The following KCNMB3 variants were observed in gnomAD, a reference collection of about 807,000 sequenced individuals.
KCNMB3 encodes calcium-activated potassium channel subunit beta-3.
A neutral mutation model predicts 11.9 loss-of-function variants in KCNMB3; 18 were observed. The observed-to-expected ratio is 1.51, with a 90% CI of 1.04 to 2.23. KCNMB3 has a LOEUF of 2.23. KCNMB3 is among the 30% of genes most tolerant of loss of function. The pLI is 0.00. For synonymous variants in KCNMB3, 78 were observed against 119.2 expected, an observed-to-expected ratio of 0.65 and a Z score of 2.25; for missense variants, 247 against 329.4, an observed-to-expected ratio of 0.75 and a Z score of 1.94.
intron 1 of KCNMB3, among the ~76,000 whole-genome samples, chr3:179,257,400 T>C (rs1377759142): frequency 6.6e-6 from 1 of 152,236 alleles, no homozygotes; most frequent in Non-Finnish European, 1.5e-5. Flanking sequence ...AATGTCAACA[T>C]TCATAAGGTA....
exon 1 of KCNMB3, chr3:179,266,851 GC>G: frequency 6.9e-7 from 1 of 1,439,326 alleles, no homozygotes; most frequent in Non-Finnish European, 9.1e-7. Context: ...GCCATTAGAA[GC>G]CCCCCGCCTT....
intron 1 of KCNMB3, 113 bp downstream of exon 1, chr3:179,250,630 A>C: frequency 6.5e-6 from 7 of 1,084,612 alleles, no homozygotes; most frequent in Non-Finnish European, 9.5e-6. Context: ...CTTTTTCTAG[A>C]CCATGGCAGA....
downstream of KCNMB3, chr3:179,242,574 A>C (rs904239024): frequency 3.0e-5 from 6 of 198,804 alleles, no homozygotes; most frequent in Admixed American, 2.7e-4. Flanking sequence ...TAGATTAGAT[A>C]CCCTCATTGT....
intron 1 of KCNMB3, chr3:179,258,875 A>G (rs1726107834): frequency 1.3e-6 from 2 of 1,576,492 alleles, no homozygotes; most frequent in Non-Finnish European, 1.7e-6. Context: ...GTAACAGTCT[A>G]TAACTTAAAG....
intron 1 of KCNMB3, among the ~76,000 whole-genome samples, chr3:179,246,381 C>T (rs1168795590): frequency 6.6e-6 from 1 of 151,822 alleles, no homozygotes; most frequent in East Asian, 1.9e-4. Flanking sequence ...CACTGCACTC[C>T]AGCCAGGGCA....
At chr3:179,240,095 T>G (rs1344842432), downstream of KCNMB3, 1 of 1,453,512 alleles carries the variant, frequency 6.9e-7, no homozygotes, top group East Asian at 2.5e-5. Context: ...GAAAAATTAC[T>G]TTTTGTGTCC....
intron 1 of KCNMB3, among the ~76,000 whole-genome samples, chr3:179,245,513 T>TGG (rs201143450): frequency 0.012 from 1,759 of 144,902 alleles, 20 homozygotes; most frequent in African/African-American, 0.027. Context: ...ATTAATTTTT[T>TGG]TGGGGGGGGG....
intron 1 of KCNMB3, chr3:179,258,962 G>A: frequency 6.2e-7 from 1 of 1,614,104 alleles, no homozygotes; most frequent in Non-Finnish European, 8.5e-7. Flanking sequence ...GCAGTGGAGA[G>A]AAAAGAGCCC....
At chr3:179,252,414 T>G (rs1388008683), upstream of KCNMB3, among the ~76,000 whole-genome samples, 1 of 152,212 alleles carries the variant, frequency 6.6e-6, no homozygotes, top group South Asian at 2.1e-4. Flanking sequence ...AATTACTGGT[T>G]GTTTTTTTCC....
At chr3:179,249,546 G>A (rs7612533) in intron 1 of KCNMB3, among the ~76,000 whole-genome samples, 8,843 of 151,734 alleles carry the variant, frequency 0.058, 298 homozygotes, top group East Asian at 0.094. Flanking sequence ...GGTGGCAGGC[G>A]CCTGTAATCC....
chr3:179,246,816 A>G (rs1404512145), intron 1 of KCNMB3, among the ~76,000 whole-genome samples: 1 of 152,224 alleles, frequency 6.6e-6, no homozygotes, highest in Non-Finnish European at 1.5e-5. Context: ...AGATTTTAGA[A>G]AGCTTCAAAA....
intron 1 of KCNMB3, chr3:179,258,816 GTCTT>G (rs1172229983): frequency 1.2e-5 from 16 of 1,375,414 alleles, no homozygotes; most frequent in African/African-American, 7.1e-5. Flanking sequence ...TAACAAATAT[GTCTT>G]TCTAATCTGG....
upstream of KCNMB3, among the ~76,000 whole-genome samples, chr3:179,254,640 A>C (rs150229140): frequency 5.7e-3 from 861 of 152,130 alleles, 7 homozygotes; most frequent in African/African-American, 0.019. Flanking sequence ...GAGAAACCCT[A>C]TCTCTACTAA....
At position 179,250,749 on chromosome 3, in the gene KCNMB3, A is replaced by G; in HGVS notation, c.242T>C (p.Met81Thr). ...TCCTTCCTCTGTTTCTTACCTGAGC[A>G]TAAAAGGCTTTAGAATGGTTGTTCC... ...LLGTTILKPF[M>T]LSIQREESTC... is the part of the protein sequence containing the mutation. The change falls in exon 1 of 3, where the codon ATG becomes ACG. Residue 81 changes from methionine to threonine, a missense_variant. Coordinates refer to ENST00000392685, the MANE Select transcript of KCNMB3 (RefSeq NM_171830.2). 1 of 1,614,210 alleles carries G rather than the reference A, an allele frequency of 6.2e-7. No individual in the cohort carries two copies. Among genetic ancestry groups the G allele is most frequent in the Middle Eastern group, 1.6e-4 (1 of 6,062 alleles).
intron 1 of KCNMB3, among the ~76,000 whole-genome samples, chr3:179,245,049 T>C (rs781552693): frequency 4.6e-5 from 7 of 152,208 alleles, no homozygotes; most frequent in African/African-American, 9.7e-5. Flanking sequence ...AATTCTGATT[T>C]GGTAGGTCTG....
chr3:179,265,174 G>C (rs984725523), intron 1 of KCNMB3, among the ~76,000 whole-genome samples: 16 of 152,148 alleles, frequency 1.1e-4, no homozygotes, highest in African/African-American at 3.9e-4. Flanking sequence ...CAAAAAAATT[G>C]GTTCATGTCT....
At chr3:179,263,800 C>CTTTT (rs60270913) in intron 1 of KCNMB3, among the ~76,000 whole-genome samples, 1,663 of 59,034 alleles carry the variant, frequency 0.028, 3 homozygotes, top group Non-Finnish European at 0.032. Flanking sequence ...TTTTTCTTTT[C>CTTTT]TTTTTTTTTT....
At chr3:179,260,575 C>T in intron 1 of KCNMB3, 1 of 1,553,028 alleles carries the variant, frequency 6.4e-7, no homozygotes, top group South Asian at 1.2e-5. Context: ...CCCCTGTCGA[C>T]TTGAGGGCAT....
downstream of KCNMB3, chr3:179,240,071 A>AT: frequency 6.5e-7 from 1 of 1,529,334 alleles, no homozygotes; most frequent in South Asian, 1.2e-5. Flanking sequence ...CACGCTGTTT[A>AT]TTAAAAAAAA....
Sources: allele counts gnomAD v4.1 joint callset (sites outside exome capture counted in the v4.1 genomes callset), GRCh38; gene constraint gnomAD v4.1.1; transcripts MANE v1.5; gene names NCBI Gene and HGNC (gene_info 2026-07-23, HGNC 2026-07-21).